FAM13C: variants seen among roughly 807,000 people sequenced by gnomAD.
The protein encoded by FAM13C is family with sequence similarity 13 member C.
Under a neutral mutation model 73.2 loss-of-function variants are expected in FAM13C, and 37 were observed. The observed-to-expected ratio is 0.51, with a 90% confidence interval of 0.39 to 0.67. The LOEUF is 0.67. Among genes scored for constraint, FAM13C ranks in the 30% least tolerant of loss-of-function variants. FAM13C has a pLI of 0.00. For synonymous variants in FAM13C, 246 were observed against 260.9 expected (o/e 0.94, Z 0.55); for missense variants, 589 against 715.6 (o/e 0.82, Z 2.02).
chr10:59,257,771 C>G (rs1842084006), intron 10 of FAM13C, among the ~76,000 whole-genome samples: 2 of 152,166 alleles, frequency 1.3e-5, no homozygotes, highest in African/African-American at 4.8e-5. Context: ...TTTAGATGTT[C>G]AAGCCGGGAA....
intron 11 of FAM13C, among the ~76,000 whole-genome samples, chr10:59,253,428 T>C (rs534697899): frequency 1.3e-5 from 2 of 152,208 alleles, no homozygotes; most frequent in African/African-American, 4.8e-5. Flanking sequence ...CAGGTCCCAG[T>C]GGGGACCAAC....
chr10:59,261,974 A>G (rs1842548653), intron 10 of FAM13C, among the ~76,000 whole-genome samples: 2 of 152,122 alleles, frequency 1.3e-5, no homozygotes, highest in Admixed American at 1.3e-4. Context: ...TAACTCTCCC[A>G]AAAAACTCTA....
At chr10:59,322,182 T>A (rs892166937) in intron 4 of FAM13C, among the ~76,000 whole-genome samples, 1 of 149,216 alleles carries the variant, frequency 6.7e-6, no homozygotes, top group African/African-American at 2.5e-5. Context: ...AATTTCACAA[T>A]CCCTGTAATA....
At chr10:59,308,437 A>G (rs1002956608) in intron 4 of FAM13C, among the ~76,000 whole-genome samples, 2 of 151,050 alleles carry the variant, frequency 1.3e-5, no homozygotes, top group African/African-American at 4.9e-5. Flanking sequence ...CACAATCACC[A>G]TCATCACCAT....
chr10:59,255,752 A>T (rs1410189006), intron 10 of FAM13C, among the ~76,000 whole-genome samples: 1 of 152,136 alleles, frequency 6.6e-6, no homozygotes, highest in African/African-American at 2.4e-5. Context: ...TCATGCTCCC[A>T]ACTCCCATCC....
In FAM13C at chr10:59,343,649, G is replaced by A. The variant is rs181881829; in HGVS notation, c.324+8621C>T. Among the ~76,000 whole-genome samples, 4 of 152,218 alleles carry A rather than the reference G, an allele frequency of 2.6e-5. No individual in the cohort carries two copies. The East Asian group carries it at 7.7e-4, about 29-fold the overall frequency. On this transcript the variant is annotated intron_variant, in intron 3 of 13. Coordinates refer to ENST00000618804, the MANE Select transcript of FAM13C (RefSeq NM_198215.4). ...TTCAGGCCTGGAGCTTGTAATAGTT[G>A]GTGCAGGACCCTCAAAAAATCTTGC...
intron 10 of FAM13C, among the ~76,000 whole-genome samples, chr10:59,256,256 G>A (rs2446723): frequency 0.99 from 150,928 of 152,326 alleles, 74,783 homozygotes; most frequent in Middle Eastern, 1. Flanking sequence ...TTTAAATGTA[G>A]TATCTTACTG....
At chr10:59,287,433 A>T (rs1845732570) in intron 5 of FAM13C, among the ~76,000 whole-genome samples, 1 of 152,046 alleles carries the variant, frequency 6.6e-6, no homozygotes, top group African/African-American at 2.4e-5. Flanking sequence ...AGGTAAAGTA[A>T]AAAGAAAGGC....
At chr10:59,345,713 C>T (rs531640544) in intron 3 of FAM13C, among the ~76,000 whole-genome samples, 5 of 152,264 alleles carry the variant, frequency 3.3e-5, no homozygotes, top group Admixed American at 1.3e-4. Context: ...CCCTGTCCCC[C>T]GAATCTTCAC....
At chr10:59,350,120 A>G (rs1210111208) in intron 3 of FAM13C, among the ~76,000 whole-genome samples, 1 of 152,180 alleles carries the variant, frequency 6.6e-6, no homozygotes. Context: ...CTTGGAATGG[A>G]AAGCATTTGA....
At chr10:59,329,611 G>C (rs1390515917) in intron 3 of FAM13C, among the ~76,000 whole-genome samples, 1 of 151,790 alleles carries the variant, frequency 6.6e-6, no homozygotes, top group Non-Finnish European at 1.5e-5. Flanking sequence ...CACCTGCCTT[G>C]GCCCCCAAAA....
At chr10:59,361,242 C>G (rs1240747825) in intron 1 of FAM13C, 5 of 441,570 alleles carry the variant, frequency 1.1e-5, no homozygotes, top group Middle Eastern at 3.6e-4. Flanking sequence ...CCACTTAAGT[C>G]TGCTCAAAAC....
intron 5 of FAM13C, among the ~76,000 whole-genome samples, chr10:59,294,809 C>T (rs1481273301): frequency 1.3e-5 from 2 of 152,202 alleles, no homozygotes; most frequent in Non-Finnish European, 2.9e-5. Context: ...AGCTGAGGAA[C>T]AAACCTTGGT....
At chr10:59,358,917 T>C (rs991953152) in intron 1 of FAM13C, among the ~76,000 whole-genome samples, 2 of 152,238 alleles carry the variant, frequency 1.3e-5, no homozygotes, top group African/African-American at 4.8e-5. Flanking sequence ...ACCTCCTGGC[T>C]TACATGGCAC....
intron 5 of FAM13C, among the ~76,000 whole-genome samples, chr10:59,285,469 C>G (rs974972251): frequency 1.7e-4 from 26 of 152,060 alleles, no homozygotes; most frequent in Admixed American, 9.2e-4. Context: ...GCAAAACTAC[C>G]CTGAAGATTA....
chr10:59,312,374 G>A (rs991106428), intron 4 of FAM13C, among the ~76,000 whole-genome samples: 5 of 152,252 alleles, frequency 3.3e-5, no homozygotes, highest in Admixed American at 6.5e-5. Context: ...AAAGGAAAGA[G>A]TCATGAGTCT....
chr10:59,270,139 TA>T, intron 6 of FAM13C, 30 bp from the exon 7 acceptor site: 1 of 1,601,386 alleles, frequency 6.2e-7, no homozygotes, highest in Non-Finnish European at 8.5e-7. Flanking sequence ...CATCAAGACT[TA>T]GAAGTGACAG....
intron 10 of FAM13C, among the ~76,000 whole-genome samples, chr10:59,261,050 G>T (rs1842457152): frequency 6.6e-6 from 1 of 152,086 alleles, no homozygotes. Flanking sequence ...TTTAGACGTT[G>T]ACCAAGATGC....
chr10:59,318,337 T>C (rs1849782476), intron 4 of FAM13C, among the ~76,000 whole-genome samples: 1 of 152,120 alleles, frequency 6.6e-6, no homozygotes, highest in African/African-American at 2.4e-5. Context: ...CTTTTTTCAA[T>C]CAGCAGTTCA....
Sources: gnomAD v4.1 joint callset for allele counts (sites outside exome capture counted in the v4.1 genomes callset) on GRCh38, gnomAD v4.1.1 for gene constraint, MANE v1.5 for transcripts, NCBI Gene and HGNC (gene_info 2026-07-23, HGNC 2026-07-21) for gene names.